Variants in SGPP2 observed in about 807,000 individuals in gnomAD.
The protein encoded by SGPP2 is sphingosine-1-phosphate phosphatase 2.
In SGPP2, 30 loss-of-function variants were observed where a neutral mutation model predicts 33.9. The ratio of observed to expected loss-of-function variants is 0.89; its 90% CI spans 0.66 to 1.20. The LOEUF (loss-of-function observed/expected upper bound fraction) is 1.20, where lower values mean the gene tolerates loss of function less well. Among genes scored for constraint, SGPP2 ranks in the 50% most tolerant of loss-of-function variants. The pLI is 0.00. For synonymous variants in SGPP2, 233 were observed against 225.0 expected, an observed-to-expected ratio of 1.04 and a Z score of -0.32; for missense variants, 458 against 532.1, an observed-to-expected ratio of 0.86 and a Z score of 1.37.
At chr2:222,482,474 G>A (rs557310940) in intron 2 of SGPP2, among the ~76,000 whole-genome samples, 2 of 152,308 alleles carry the variant, frequency 1.3e-5, no homozygotes, top group Admixed American at 6.5e-5. Flanking sequence ...ATAGCTCACT[G>A]CAGCTTCGAA....
rs542151431 is a variant in SGPP2, at chr2:222,496,288, C to T, written c.378+21562C>T. Among the ~76,000 whole-genome samples the T allele has an allele frequency of 9.6e-4, 147 of 152,352 alleles. 2 individuals are homozygous for T. In the South Asian group the frequency reaches 0.013, roughly 13 times the overall value. On this transcript the variant is annotated intron_variant, in intron 2 of 4. Transcript: ENST00000321276. ...GAGGTCTTCACTTCTCAGTTTGAGA[C>T]GCTTTCCAAAGTAGTAAGCAGAGTC...
chr2:222,518,337 A>T (rs996069557), intron 2 of SGPP2, among the ~76,000 whole-genome samples: 3 of 152,208 alleles, frequency 2.0e-5, no homozygotes, highest in Non-Finnish European at 4.4e-5. Context: ...AAGAAATTTA[A>T]CTTTATCTGA....
intron 2 of SGPP2, among the ~76,000 whole-genome samples, chr2:222,512,004 T>TTTTATTTA (rs34621381): frequency 2.5e-3 from 375 of 147,780 alleles, no homozygotes; most frequent in East Asian, 6.6e-3. Context: ...TAAAATAAAC[T>TTTTATTTA]TTTATTTATT....
At chr2:222,454,550 C>A (rs893874680) in intron 1 of SGPP2, among the ~76,000 whole-genome samples, 2 of 152,148 alleles carry the variant, frequency 1.3e-5, no homozygotes, top group Admixed American at 1.3e-4. Context: ...TTAATGTGAA[C>A]CACAGTGATT....
chr2:222,424,836 G>A lies in SGPP2; in HGVS notation c.219+15G>A, dbSNP rs1239827852. The A allele has an allele frequency of 1.5e-6, 2 of 1,335,188 alleles. No homozygotes were observed. Among genetic ancestry groups the A allele is most frequent in the African/African-American group, 1.5e-5 (1 of 65,406 alleles). 82.7% of individuals were successfully genotyped at this position (1,335,188 alleles called of 1,614,324 possible). A position where few individuals can be genotyped will look rare whatever the true frequency, so the allele number is the denominator to read the frequency against. Reference sequence around the variant, plus strand: ...CGGCGCCGGAGGTAACCATGGGCAGGTGTTCGCCGGGTACGGGGAGGGGGC... The same window carrying A: ...CGGCGCCGGAGGTAACCATGGGCAGATGTTCGCCGGGTACGGGGAGGGGGC... On this transcript the variant is annotated intron_variant, in intron 1 of 4. Coordinates refer to ENST00000321276, the MANE Select transcript of SGPP2 (RefSeq NM_152386.4).
chr2:222,470,273 A>G (rs908687386), intron 1 of SGPP2, among the ~76,000 whole-genome samples: 12 of 152,158 alleles, frequency 7.9e-5, no homozygotes, highest in Non-Finnish European at 1.3e-4. Flanking sequence ...CTCAGAATTT[A>G]AAGTGAAATT....
chr2:222,487,609 C>T, intron 2 of SGPP2, among the ~76,000 whole-genome samples: 1 of 152,144 alleles, frequency 6.6e-6, no homozygotes, highest in Non-Finnish European at 1.5e-5. Context: ...AGAGAAGACA[C>T]CAGGTTCAGG....
chr2:222,500,262 G>C (rs575984431), intron 2 of SGPP2, among the ~76,000 whole-genome samples: 2 of 152,122 alleles, frequency 1.3e-5, no homozygotes, highest in South Asian at 2.1e-4. Context: ...AGGGGTGAGT[G>C]GGGGCTGGAA....
chr2:222,484,822 G>C (rs1411707313), intron 2 of SGPP2, among the ~76,000 whole-genome samples: 1 of 152,198 alleles, frequency 6.6e-6, no homozygotes, highest in African/African-American at 2.4e-5. Flanking sequence ...CTACTCATTT[G>C]TAAAACAAGA....
At chr2:222,491,400 C>G (rs1433559071) in intron 2 of SGPP2, among the ~76,000 whole-genome samples, 1 of 152,074 alleles carries the variant, frequency 6.6e-6, no homozygotes, top group Admixed American at 6.6e-5. Flanking sequence ...TTTAATTGAC[C>G]CACAGCTCTG....
At chr2:222,533,681 C>A (rs1334522796) in intron 4 of SGPP2, among the ~76,000 whole-genome samples, 1 of 152,104 alleles carries the variant, frequency 6.6e-6, no homozygotes, top group Non-Finnish European at 1.5e-5. Context: ...AGGCCTTGAC[C>A]TTCATCAGAA....
In SGPP2 at chr2:222,559,169, C is replaced by G. The variant is rs773343235; in HGVS notation, c.*271C>G. On this transcript the variant is annotated 3_prime_UTR_variant, in exon 5 of 5. Transcript: ENST00000321276. ...TTAAAGGCACACACCGCGCCCCCCC[C>G]CCCCCCGCCCGGCCCCTGCTCCTCT... is the stretch of plus-strand genomic sequence containing the variant. 5,752 of 112,580 alleles carry G rather than the reference C, an allele frequency of 0.051. 757 individuals are homozygous for G. Among genetic ancestry groups the G allele is most frequent in the African/African-American group, 0.11 (2,389 of 21,854 alleles). The allele number at this position is 112,580 out of a possible 1,614,324, so 7.0% of individuals were successfully genotyped here.
At chr2:222,468,381 T>A (rs924191247) in intron 1 of SGPP2, among the ~76,000 whole-genome samples, 1 of 144,042 alleles carries the variant, frequency 6.9e-6, no homozygotes, top group Admixed American at 6.7e-5. Flanking sequence ...CTTTCCTTCC[T>A]TGTAAAAAAA....
intron 4 of SGPP2, among the ~76,000 whole-genome samples, chr2:222,531,597 A>G (rs975178235): frequency 6.6e-6 from 1 of 152,208 alleles, no homozygotes; most frequent in Non-Finnish European, 1.5e-5. Flanking sequence ...ACATTTTGGA[A>G]TTGGATGATC....
rs1037494689 is a variant in SGPP2 at position 222,465,329 on chromosome 2, G to C, written c.220-9239G>C. Reference sequence around the variant, plus strand: ...GCCCTCGTGCATTTTTGTTCCTTCTGTTTTCTCCTTCAAGGGACACTGTCA... The same window carrying C: ...GCCCTCGTGCATTTTTGTTCCTTCTCTTTTCTCCTTCAAGGGACACTGTCA... On this transcript the variant is annotated intron_variant, in intron 1 of 4. Coordinates refer to ENST00000321276, the MANE Select transcript of SGPP2 (RefSeq NM_152386.4). This position sits in a 1 kb window ranked among gnomAD's most constrained non-coding sequence, Gnocchi z 4.1. Among the ~76,000 whole-genome samples the C allele has an allele frequency of 2.0e-5, 3 of 152,014 alleles. No homozygotes were observed. Among genetic ancestry groups the C allele is most frequent in the African/African-American group, 7.2e-5 (3 of 41,384 alleles).
At chr2:222,491,008 G>T (rs1041515479) in intron 2 of SGPP2, among the ~76,000 whole-genome samples, 2 of 152,042 alleles carry the variant, frequency 1.3e-5, no homozygotes, top group Non-Finnish European at 2.9e-5. Flanking sequence ...AGATTTTATT[G>T]TGCTTGCCCA....
At chr2:222,438,954 A>C (rs1697285592) in intron 1 of SGPP2, among the ~76,000 whole-genome samples, 1 of 152,310 alleles carries the variant, frequency 6.6e-6, no homozygotes, top group African/African-American at 2.4e-5. Flanking sequence ...CCGGCTGCTA[A>C]GTATGTCTGT....
At chr2:222,493,876 TA>T (rs1698236011) in intron 2 of SGPP2, among the ~76,000 whole-genome samples, 1 of 152,218 alleles carries the variant, frequency 6.6e-6, no homozygotes, top group Non-Finnish European at 1.5e-5. Context: ...TCACTCATGC[TA>T]AAGTTCCACA....
chr2:222,494,771 AC>A, intron 2 of SGPP2, among the ~76,000 whole-genome samples: 1 of 152,216 alleles, frequency 6.6e-6, no homozygotes, highest in Non-Finnish European at 1.5e-5. Flanking sequence ...CAGGATTTAA[AC>A]ATTTGCCAAA....
Sources: allele counts gnomAD v4.1 joint callset (sites outside exome capture counted in the v4.1 genomes callset), GRCh38; gene constraint gnomAD v4.1.1; non-coding constraint Gnocchi (gnomAD v3.1); transcripts MANE v1.5; gene names NCBI Gene and HGNC (gene_info 2026-07-23, HGNC 2026-07-21).